Variants in ADAMTS18 observed in about 807,000 individuals in gnomAD.
The protein encoded by ADAMTS18 is ADAM metallopeptidase with thrombospondin type 1 motif 18, also known as A disintegrin and metalloproteinase with thrombospondin motifs 18.
ADAMTS18 carries 157 observed loss-of-function variants against 165.9 expected under a neutral mutation model. The observed-to-expected ratio is 0.95, with a 90% CI of 0.83 to 1.08. The LOEUF (loss-of-function observed/expected upper bound fraction) is 1.08. ADAMTS18 is among the 50% of genes least tolerant of loss of function. The pLI is 0.00. For missense variants in ADAMTS18, 2,040 were observed against 1,534.0 expected (o/e 1.33, Z -5.51); for synonymous variants, 782 against 578.2 (o/e 1.35, Z -5.06).
chr16:77,295,803 T>G (rs553108434), intron 18 of ADAMTS18, among the ~76,000 whole-genome samples: 3 of 152,278 alleles, frequency 2.0e-5, no homozygotes, highest in African/African-American at 7.2e-5. Flanking sequence ...TTAATAGCTA[T>G]CTGTCTGAGA....
chr16:77,404,306 A>G (rs1042857316), intron 3 of ADAMTS18, among the ~76,000 whole-genome samples: 3 of 152,206 alleles, frequency 2.0e-5, no homozygotes, highest in African/African-American at 7.2e-5. Flanking sequence ...TTTCAGGGCA[A>G]CAAGCAAATA....
chr16:77,420,944 A>G (rs1288956282), intron 3 of ADAMTS18, among the ~76,000 whole-genome samples: 1 of 152,184 alleles, frequency 6.6e-6, no homozygotes, highest in African/African-American at 2.4e-5. Flanking sequence ...ACTAAAAAGT[A>G]CTCTGTTATA....
intron 9 of ADAMTS18, 68 bp from the exon 10 acceptor site, chr16:77,353,954 C>T (rs2056592991): frequency 1.3e-6 from 2 of 1,577,778 alleles, no homozygotes; most frequent in Admixed American, 1.7e-5. Context: ...CGACAACACA[C>T]TTCTGAATGC....
At chr16:77,383,185 G>A (rs900935618) in intron 3 of ADAMTS18, among the ~76,000 whole-genome samples, 4 of 152,046 alleles carry the variant, frequency 2.6e-5, no homozygotes, top group Non-Finnish European at 5.9e-5. Context: ...TCCTCTCCCT[G>A]TTGACAATCT....
intron 3 of ADAMTS18, among the ~76,000 whole-genome samples, chr16:77,394,666 T>G: frequency 6.6e-6 from 1 of 152,210 alleles, no homozygotes; most frequent in East Asian, 1.9e-4. Flanking sequence ...AAAATAGCGT[T>G]CTCACCCAAA....
chr16:77,291,366 T>A lies in ADAMTS18; in HGVS notation c.3302A>T (p.Lys1101Ile). ...FPERRCRNIK[K>I]PNLDLEETCN... ...GGTCTCTTCCAAGTCCAGATTTGGT[T>A]TCTTAATATTACGGCATCTTCGCTC... Residue 1101 changes from lysine to isoleucine, a missense_variant, in exon 21 of 23, where the codon AAA becomes ATA. Coordinates refer to ENST00000282849, the MANE Select transcript of ADAMTS18 (RefSeq NM_199355.4). 3 of 1,614,164 alleles carry A rather than the reference T, an allele frequency of 1.9e-6. No individual in the cohort carries two copies. The highest frequency in any genetic ancestry group is 2.2e-5 in the South Asian group (2 of 91,084).
At chr16:77,362,286 C>T in intron 6 of ADAMTS18, 22 bp from the exon 7 acceptor site, 1 of 1,613,444 alleles carries the variant, frequency 6.2e-7, no homozygotes. Context: ...CCACACAAAT[C>T]AAAGTGTGAA....
chr16:77,411,993 C>T (rs1311133180), intron 3 of ADAMTS18, among the ~76,000 whole-genome samples: 2 of 151,828 alleles, frequency 1.3e-5, no homozygotes, highest in Non-Finnish European at 2.9e-5. Context: ...CAGCCAGTGC[C>T]CAAAGATTTA....
intron 3 of ADAMTS18, among the ~76,000 whole-genome samples, chr16:77,395,970 C>G (rs1056493775): frequency 6.6e-6 from 1 of 152,070 alleles, no homozygotes; most frequent in African/African-American, 2.4e-5. Flanking sequence ...GGCAGGGTAC[C>G]CAGCTACTCA....
chr16:77,417,512 G>T (rs562779022), intron 3 of ADAMTS18, among the ~76,000 whole-genome samples: 1 of 152,174 alleles, frequency 6.6e-6, no homozygotes, highest in Admixed American at 6.5e-5. Flanking sequence ...TCTATTCAAC[G>T]AAGGGACGGC....
At chr16:77,379,063 C>G (rs1567526651) in intron 3 of ADAMTS18, 1 of 152,142 alleles carries the variant, frequency 6.6e-6, no homozygotes, top group African/African-American at 2.4e-5. Flanking sequence ...ATTTTTCTAC[C>G]TTGGACAGAT....
chr16:77,289,093 C>A (rs2055312091), intron 22 of ADAMTS18, among the ~76,000 whole-genome samples, 171 bp downstream of exon 22: 1 of 152,172 alleles, frequency 6.6e-6, no homozygotes, highest in South Asian at 2.1e-4. Context: ...TGGACAGCAA[C>A]TTCCCCAGAG....
chr16:77,417,234 T>C (rs1005359468), intron 3 of ADAMTS18, among the ~76,000 whole-genome samples: 1 of 151,722 alleles, frequency 6.6e-6, no homozygotes, highest in South Asian at 2.1e-4. Flanking sequence ...CTGAGAAAAA[T>C]GTTTTAGAAG....
chr16:77,310,200 T>C (rs530692841), intron 16 of ADAMTS18, among the ~76,000 whole-genome samples: 31 of 152,328 alleles, frequency 2.0e-4, no homozygotes, highest in African/African-American at 5.3e-4. Flanking sequence ...TGAAAGAAGA[T>C]TGCAACGAAT....
intron 3 of ADAMTS18, among the ~76,000 whole-genome samples, chr16:77,409,961 T>C (rs534059753): frequency 7.2e-5 from 11 of 152,286 alleles, no homozygotes; most frequent in South Asian, 2.1e-4. Context: ...TGGGATCAAA[T>C]TGACTCACCC....
In ADAMTS18 at chr16:77,295,093, C is replaced by A. The variant is rs12935394; in HGVS notation, c.2836G>T (p.Ala946Ser). 205,631 of 1,614,064 alleles carry A rather than the reference C, an allele frequency of 0.13. 14,034 individuals carry two copies. Among genetic ancestry groups the A allele is most frequent in the Admixed American group, 0.2 (11,976 of 60,004 alleles). The change falls in exon 19 of 23, where the codon GCC (alanine) becomes TCC (serine). Residue 946 changes from alanine (A) to serine (S), a missense_variant. Ala to Ser is a moderately conservative substitution (Grantham distance 99). Transcript: ENST00000282849. Reference sequence around the variant, plus strand: ...CGGCTCTGCTGGCCTCCAGCACAGGCCTTGCTGCATGTACTCCATTCACCT... The same window carrying A: ...CGGCTCTGCTGGCCTCCAGCACAGGACTTGCTGCATGTACTCCATTCACCT... ...MPGEWSTCSKACAGGQQSRKI... is the reference protein window; with the variant it reads ...MPGEWSTCSKSCAGGQQSRKI...
chr16:77,377,812 AT>A (rs1397472253), intron 3 of ADAMTS18, among the ~76,000 whole-genome samples: 2 of 152,232 alleles, frequency 1.3e-5, no homozygotes, highest in Non-Finnish European at 2.9e-5. Flanking sequence ...TAAGTCATTG[AT>A]TTGTTGCCCA....
At chr16:77,432,561 A>G (rs1310640716) in intron 2 of ADAMTS18, 1 of 152,196 alleles carries the variant, frequency 6.6e-6, no homozygotes, top group Non-Finnish European at 1.5e-5. Flanking sequence ...CCACAAAATG[A>G]TTTGGAATAT....
At chr16:77,290,599 TGAGGTGGG>T (rs2144562575) in intron 21 of ADAMTS18, 1 of 155,304 alleles carries the variant, frequency 6.4e-6, no homozygotes, top group East Asian at 1.9e-4. Context: ...TGATTAATGG[TGAGGTGGG>T]GAGCACCCGA....
Sources: allele counts gnomAD v4.1 joint callset (sites outside exome capture counted in the v4.1 genomes callset), GRCh38; gene constraint gnomAD v4.1.1; transcripts MANE v1.5; gene names NCBI Gene and HGNC (gene_info 2026-07-23, HGNC 2026-07-21).